The following SMIM36 variants were observed in gnomAD, a reference collection of about 807,000 sequenced individuals.
SMIM36 encodes small integral membrane protein 36.
At chr17:55,464,889 G>C (rs1292755170) in intron 4 of SMIM36, among the ~76,000 whole-genome samples, 2 of 152,092 alleles carry the variant, frequency 1.3e-5, no homozygotes, top group Non-Finnish European at 2.9e-5. Flanking sequence ...ATCCATTCCA[G>C]TATCTTTAGT....
At chr17:55,495,408 A>T (rs1379404762) in intron 1 of SMIM36, among the ~76,000 whole-genome samples, 3 of 152,206 alleles carry the variant, frequency 2.0e-5, no homozygotes, top group African/African-American at 7.2e-5. Context: ...CTATAACCAT[A>T]ACTTATTACA....
At chr17:55,508,572 A>T in intron 1 of SMIM36, among the ~76,000 whole-genome samples, 1 of 151,090 alleles carries the variant, frequency 6.6e-6, no homozygotes, top group African/African-American at 2.4e-5. Flanking sequence ...GTAGGTTCTT[A>T]GAAACTGCCT....
rs538656730 is a variant in SMIM36 at position 55,500,716 on chromosome 17, A to C, written c.*174+10163T>G. The stretch of plus-strand genomic sequence containing the variant: ...GATTCCTATTAAAAATAAAATTTTC[A>C]AAATTTTTAAAAGAACATTCATTTA... On this transcript the variant is annotated intron_variant, in intron 1 of 4. Transcript: ENST00000636752. 6.0e-5 allele frequency among the ~76,000 whole-genome samples: 8 copies of C among 132,324 alleles called. 1 individual carries two copies. In the East Asian group the frequency reaches 1.7e-3, roughly 28 times the overall value. The allele number at this position is 132,324 out of a possible 152,430, so 86.8% of individuals were successfully genotyped here. A position where few individuals can be genotyped will look rare whatever the true frequency, so the allele number is the denominator to read the frequency against.
At position 55,500,973 on chromosome 17, in the gene SMIM36, TTATAA is replaced by T. The variant is rs1355640136; in HGVS notation, c.*174+9901_*174+9905del. Among the ~76,000 whole-genome samples, 9 of 12,918 alleles carry T rather than the reference TTATAA, an allele frequency of 7.0e-4. 2 individuals carry two copies. Among genetic ancestry groups the T allele is most frequent in the Admixed American group, 2.5e-3 (2 of 812 alleles). The allele number at this position is 12,918 out of a possible 152,430, so 8.5% of individuals were successfully genotyped here. A position where few individuals can be genotyped will look rare whatever the true frequency, so the allele number is the denominator to read the frequency against. On this transcript the variant is annotated intron_variant, in intron 1 of 4. Transcript: ENST00000636752. ...AATATATTATATTTTATAATATATA[TTATAA>T]TATATTATATATTATAATATGTAAC...
intron 3 of SMIM36, among the ~76,000 whole-genome samples, chr17:55,474,429 C>T (rs371694866): frequency 6.6e-6 from 1 of 152,152 alleles, no homozygotes; most frequent in African/African-American, 2.4e-5. Context: ...GGCAGGCCCC[C>T]GTGGAGGATC....
Position 55,501,550 on chromosome 17 carries a change from T to C in SMIM36, c.*174+9329A>G, listed in dbSNP as rs1218271098. 5.7e-5 allele frequency among the ~76,000 whole-genome samples: 7 copies of C among 122,332 alleles called. 1 individual carries two copies. The highest frequency in any genetic ancestry group is 2.2e-4 in the African/African-American group (7 of 31,790). 80.3% of individuals were successfully genotyped at this position (122,332 alleles called of 152,430 possible). A position where few individuals can be genotyped will look rare whatever the true frequency, so the allele number is the denominator to read the frequency against. ...TTGTATATAATTATATACAATATTATATATATCATTATATACATAATAATT... is the reference window on the plus strand; with the variant it reads ...TTGTATATAATTATATACAATATTACATATATCATTATATACATAATAATT... On this transcript the variant is annotated intron_variant, in intron 1 of 4. Coordinates refer to ENST00000636752, the Ensembl canonical transcript of SMIM36.
upstream of SMIM36, among the ~76,000 whole-genome samples, chr17:55,515,084 GTGTTTTTTTTTTTTTTT>G (rs1475803508): frequency 1.8e-5 from 1 of 56,102 alleles, no homozygotes; most frequent in African/African-American, 3.3e-5. Context: ...TTCTAGTCTA[GTGTTTTTTTTTTTTTTT>G]TTTTTTTTTT....
intron 1 of SMIM36, among the ~76,000 whole-genome samples, chr17:55,486,825 G>T (rs1303324175): frequency 6.6e-6 from 1 of 152,194 alleles, no homozygotes; most frequent in Admixed American, 6.5e-5. Flanking sequence ...ACTAAAATGA[G>T]AATAACTAAT....
At chr17:55,524,491 A>C in the SMIM36 span, among the ~76,000 whole-genome samples, 1 of 152,152 alleles carries the variant, frequency 6.6e-6, no homozygotes, top group Admixed American at 6.6e-5. Context: ...TTGAGGAATC[A>C]CCACACTGCT....
the SMIM36 span, among the ~76,000 whole-genome samples, chr17:55,530,208 A>G: frequency 1.3e-5 from 2 of 152,182 alleles, no homozygotes; most frequent in Non-Finnish European, 1.5e-5. Flanking sequence ...TAGGAACCCA[A>G]TTTGGCTTCC....
At position 55,493,965 on chromosome 17, in the gene SMIM36, G is replaced by A. The variant is rs555492930; in HGVS notation, c.*175-14385C>T. On this transcript the variant is annotated intron_variant, in intron 1 of 4. Transcript: ENST00000636752. Reference sequence around the variant, plus strand: ...AAGTGTGAATCCTGGCTTTCTCTCCGTGGCCTCATTCATCACAAGACTACC... The same window carrying A: ...AAGTGTGAATCCTGGCTTTCTCTCCATGGCCTCATTCATCACAAGACTACC... 1.2e-4 allele frequency among the ~76,000 whole-genome samples: 19 copies of A among 152,054 alleles called. 2 individuals carry two copies. Among genetic ancestry groups the A allele is most frequent in the Middle Eastern group, 3.4e-3 (1 of 294 alleles).
intron 1 of SMIM36, among the ~76,000 whole-genome samples, chr17:55,484,711 A>T (rs1202665731): frequency 6.6e-6 from 1 of 152,232 alleles, no homozygotes; most frequent in Non-Finnish European, 1.5e-5. Flanking sequence ...CCCAATGGGT[A>T]GGCAACTAAG....
At chr17:55,501,356 TAA>T (rs1567871122) in intron 1 of SMIM36, among the ~76,000 whole-genome samples, 2 of 87,310 alleles carry the variant, frequency 2.3e-5, no homozygotes, top group East Asian at 3.3e-4. Context: ...TTATATTTTA[TAA>T]TATATAATAT....
At chr17:55,525,289 C>G in the SMIM36 span, among the ~76,000 whole-genome samples, 1 of 152,270 alleles carries the variant, frequency 6.6e-6, no homozygotes, top group South Asian at 2.1e-4. Context: ...TTTTCCTTAA[C>G]TCTCCTTCCC....
chr17:55,473,422 G>A (rs1439129624), intron 3 of SMIM36, among the ~76,000 whole-genome samples: 1 of 152,136 alleles, frequency 6.6e-6, no homozygotes, highest in Non-Finnish European at 1.5e-5. Flanking sequence ...CTCCGAAAAG[G>A]CTACTGCGGT....
Position 55,462,367 on chromosome 17 carries a change from T to G in SMIM36, c.*531+4778A>C, listed in dbSNP as rs1033224995. Among the ~76,000 whole-genome samples the G allele has an allele frequency of 9.2e-5, 14 of 152,148 alleles. 1 individual carries two copies. The highest frequency in any genetic ancestry group is 3.4e-4 in the African/African-American group (14 of 41,416). ...GGCTTATGCCTGTAATCTCAGCACT[T>G]TGGGAGGCCAAGGCAGGAGGATCAT... is the stretch of plus-strand genomic sequence containing the variant. On this transcript the variant is annotated intron_variant, in intron 4 of 4. Transcript: ENST00000636752.
chr17:55,489,613 G>A (rs865950481), intron 1 of SMIM36, among the ~76,000 whole-genome samples: 13 of 152,172 alleles, frequency 8.5e-5, no homozygotes, highest in African/African-American at 2.2e-4. Flanking sequence ...TCTGCAATCC[G>A]GATTTTTCTT....
At chr17:55,461,742 C>T (rs1909152469) in intron 4 of SMIM36, among the ~76,000 whole-genome samples, 1 of 152,160 alleles carries the variant, frequency 6.6e-6, no homozygotes, top group South Asian at 2.1e-4. Flanking sequence ...TTATGATCTT[C>T]ATTTCTTTAA....
chr17:55,516,310 G>A (rs1373484192), upstream of SMIM36, among the ~76,000 whole-genome samples: 1 of 152,108 alleles, frequency 6.6e-6, no homozygotes, highest in African/African-American at 2.4e-5. Flanking sequence ...GATTTCTAAG[G>A]GTATTGACTC....
Sources: gnomAD v4.1 joint callset for allele counts (sites outside exome capture counted in the v4.1 genomes callset) on GRCh38, gnomAD v4.1.1 for gene constraint, MANE v1.5 for transcripts, NCBI Gene and HGNC (gene_info 2026-07-23, HGNC 2026-07-21) for gene names.